The following ROBO2 variants were observed in gnomAD, a reference collection of about 807,000 sequenced individuals.
The protein encoded by ROBO2 is roundabout guidance receptor 2, also known as roundabout homolog 2.
A neutral mutation model predicts 160.8 loss-of-function variants in ROBO2; 53 were observed. The ratio of observed to expected loss-of-function variants is 0.33; its 90% CI spans 0.26 to 0.41. The LOEUF is 0.41. Ranked by LOEUF, ROBO2 falls within the 10% of genes least tolerant of loss-of-function variation. ROBO2 has a pLI of 1.00. For missense variants in ROBO2, 1,577 were observed against 1,722.4 expected, an observed-to-expected ratio of 0.92 and a Z score of 1.49; for synonymous variants, 664 against 611.7, an observed-to-expected ratio of 1.09 and a Z score of -1.26.
chr3:76,902,895 T>C (rs1198122513), intron 2 of ROBO2, among the ~76,000 whole-genome samples: 2 of 151,968 alleles, frequency 1.3e-5, no homozygotes, highest in Non-Finnish European at 2.9e-5. Context: ...ATAATAATAA[T>C]AATAGGCATT....
intron 2 of ROBO2, among the ~76,000 whole-genome samples, chr3:77,464,975 G>A (rs1005905396): frequency 6.6e-6 from 1 of 152,108 alleles, no homozygotes; most frequent in Non-Finnish European, 1.5e-5. Flanking sequence ...TGAGTATTTA[G>A]TATCCACTAA....
intron 2 of ROBO2, among the ~76,000 whole-genome samples, chr3:76,063,763 A>G (rs2068147097): frequency 6.6e-6 from 1 of 152,144 alleles, no homozygotes; most frequent in Admixed American, 6.5e-5. Context: ...ATCTCTGTAC[A>G]TCTGTTTTGT....
chr3:76,034,104 A>G (rs1045559589), intron 2 of ROBO2, among the ~76,000 whole-genome samples: 4 of 152,198 alleles, frequency 2.6e-5, no homozygotes, highest in African/African-American at 9.6e-5. Context: ...AGGCATGAGC[A>G]TTGGTGGGCA....
At chr3:75,959,201 C>T (rs1429231101) in intron 2 of ROBO2, among the ~76,000 whole-genome samples, 1 of 151,500 alleles carries the variant, frequency 6.6e-6, no homozygotes, top group Non-Finnish European at 1.5e-5. Context: ...TTTATTTTTG[C>T]CAAACTAACC....
intron 2 of ROBO2, among the ~76,000 whole-genome samples, chr3:77,433,486 G>GTACATATATATATATATACA (rs1325507347): frequency 3.0e-5 from 3 of 99,402 alleles, no homozygotes; most frequent in Non-Finnish European, 6.3e-5. Context: ...CTGGCAACTT[G>GTACATATATATATATATACA]TATATATATA....
At position 76,445,613 on chromosome 3, in the gene ROBO2, T is replaced by G. The variant is rs192027754; in HGVS notation, c.109+508011T>G. ...AAAGAGAATTTTAGACCAATATCCC[T>G]GATGAACATCAATGCAAAAATCCTC... On this transcript the variant is annotated intron_variant, in intron 2 of 26. Coordinates refer to the ROBO2 transcript ENST00000487694. Among the ~76,000 whole-genome samples, 71 of 152,222 alleles carry G rather than the reference T, an allele frequency of 4.7e-4. No homozygotes were observed. The East Asian group carries it at 0.014, about 29-fold the overall frequency.
intron 2 of ROBO2, among the ~76,000 whole-genome samples, chr3:76,546,035 C>T (rs1404542224): frequency 6.6e-6 from 1 of 151,740 alleles, no homozygotes; most frequent in East Asian, 1.9e-4. Context: ...GCTAAGTTCC[C>T]ATCCACAGTT....
intron 1 of ROBO2, among the ~76,000 whole-genome samples, chr3:77,089,131 C>T (rs2069767920): frequency 6.6e-6 from 1 of 152,144 alleles, no homozygotes; most frequent in Admixed American, 6.5e-5. Flanking sequence ...CAAAAAACAA[C>T]TGAAATCTAG....
intron 2 of ROBO2, among the ~76,000 whole-genome samples, chr3:76,124,370 A>G (rs2070881451): frequency 6.6e-6 from 1 of 152,024 alleles, no homozygotes; most frequent in Non-Finnish European, 1.5e-5. Flanking sequence ...CTAGTACTCT[A>G]TACTCCTTAT....
chr3:77,058,029 C>G lies in ROBO2; in HGVS notation c.61+17183C>G, dbSNP rs146177406. On this transcript the variant is annotated intron_variant, in intron 1 of 25. Transcript: ENST00000461745. ...AACATGTGGCTGGATTTTGATTGAA[C>G]GTTAATGTTATTTGGGGTGTATGTG... is the stretch of plus-strand genomic sequence containing the variant. Among the ~76,000 whole-genome samples the G allele has an allele frequency of 7.2e-3, 1,087 of 151,762 alleles. 7 individuals carry two copies. Among genetic ancestry groups the G allele is most frequent in the Non-Finnish European group, 9.6e-3 (649 of 67,942 alleles).
At chr3:77,177,291 A>G (rs911445932) in intron 2 of ROBO2, among the ~76,000 whole-genome samples, 2 of 151,934 alleles carry the variant, frequency 1.3e-5, no homozygotes, top group Non-Finnish European at 2.9e-5. Flanking sequence ...TGGTTCTGAG[A>G]GCCTCTCTGC....
chr3:76,978,536 G>A (rs2059921012), intron 2 of ROBO2, among the ~76,000 whole-genome samples: 1 of 152,006 alleles, frequency 6.6e-6, no homozygotes, highest in Non-Finnish European at 1.5e-5. Context: ...TGCCAGATGA[G>A]AACTATATTG....
At chr3:76,932,358 T>C (rs932292543) in intron 2 of ROBO2, among the ~76,000 whole-genome samples, 1 of 152,018 alleles carries the variant, frequency 6.6e-6, no homozygotes, top group Non-Finnish European at 1.5e-5. Flanking sequence ...AAAATAAATA[T>C]AAATAACATA....
intron 2 of ROBO2, among the ~76,000 whole-genome samples, chr3:76,622,429 C>T (rs1170888093): frequency 2.0e-5 from 3 of 152,022 alleles, no homozygotes; most frequent in Non-Finnish European, 4.4e-5. Context: ...CATGCCACTG[C>T]CCTCCAGCTG....
intron 2 of ROBO2, among the ~76,000 whole-genome samples, chr3:76,376,887 G>T (rs139938782): frequency 8.1e-4 from 123 of 152,188 alleles, no homozygotes; most frequent in African/African-American, 2.8e-3. Flanking sequence ...CGGTTCCAGG[G>T]TTTAGGTTCT....
chr3:76,034,402 C>T (rs936458631), intron 2 of ROBO2, among the ~76,000 whole-genome samples: 1 of 152,020 alleles, frequency 6.6e-6, no homozygotes, highest in Non-Finnish European at 1.5e-5. Flanking sequence ...ATTTTTCTCC[C>T]CGTGTGAAAT....
chr3:76,561,176 T>A (rs918217226), intron 2 of ROBO2, among the ~76,000 whole-genome samples: 1 of 151,764 alleles, frequency 6.6e-6, no homozygotes, highest in Non-Finnish European at 1.5e-5. Flanking sequence ...TAACGTATAT[T>A]CTCAAAGATA....
chr3:77,172,521 G>A (rs899749381), intron 2 of ROBO2, among the ~76,000 whole-genome samples: 5 of 152,020 alleles, frequency 3.3e-5, no homozygotes, highest in African/African-American at 4.8e-5. Context: ...TAACATTTTA[G>A]TATTTTTTCC....
intron 2 of ROBO2, among the ~76,000 whole-genome samples, chr3:77,464,714 C>G (rs138578204): frequency 6.6e-6 from 1 of 152,020 alleles, no homozygotes; most frequent in African/African-American, 2.4e-5. Flanking sequence ...TGAATGAATG[C>G]ATTTCCTCCT....
Sources: allele counts gnomAD v4.1 joint callset (sites outside exome capture counted in the v4.1 genomes callset), GRCh38; gene constraint gnomAD v4.1.1; transcripts MANE v1.5; gene names NCBI Gene and HGNC (gene_info 2026-07-23, HGNC 2026-07-21).